The following ANGPT2 variants were observed in gnomAD, a reference collection of about 807,000 sequenced individuals.
ANGPT2 encodes the protein angiopoietin-2.
ANGPT2 carries 28 observed loss-of-function variants against 62.9 expected under a neutral mutation model. That is an observed-to-expected ratio of 0.44 (90% confidence interval 0.33 to 0.61). The LOEUF (loss-of-function observed/expected upper bound fraction) is 0.61, where lower values mean the gene tolerates loss of function less well. ANGPT2 is among the 20% of genes least tolerant of loss of function. The pLI, the probability that ANGPT2 is intolerant of heterozygous loss-of-function variation, is 0.03. For missense variants in ANGPT2, 727 were observed against 594.9 expected, an observed-to-expected ratio of 1.22 and a Z score of -2.31; for synonymous variants, 284 against 207.8, an observed-to-expected ratio of 1.37 and a Z score of -3.15.
At chr8:6,532,273 C>A in intron 2 of ANGPT2, 59 bp downstream of exon 2, 1 of 1,598,892 alleles carries the variant, frequency 6.3e-7, no homozygotes, top group Non-Finnish European at 8.5e-7. Context: ...GCTCCTGACG[C>A]GACTGAGTGC....
Position 6,545,630 on chromosome 8 carries a change from G to A in ANGPT2, c.289-13143C>T, listed in dbSNP as rs915915485. Among the ~76,000 whole-genome samples, 10 of 152,292 alleles carry A rather than the reference G, an allele frequency of 6.6e-5. No individual in the cohort carries two copies. The East Asian group carries it at 1.2e-3, about 18-fold the overall frequency. ...CAAAACACGATTCTTTCCGGATCAA[G>A]CATAAAAGGCATTTGCTCTTGGAAG... On this transcript the variant is annotated intron_variant, in intron 1 of 8. Transcript: ENST00000629816.
At chr8:6,530,692 T>C (rs734702) in intron 2 of ANGPT2, among the ~76,000 whole-genome samples, 102,283 of 151,810 alleles carry the variant, frequency 0.67, 34,834 homozygotes, top group Non-Finnish European at 0.72. Flanking sequence ...TATGTTTTTC[T>C]TGAACTGTTG....
chr8:6,551,103 C>T (rs561528086), intron 1 of ANGPT2, among the ~76,000 whole-genome samples: 2 of 152,302 alleles, frequency 1.3e-5, no homozygotes, highest in African/African-American at 2.4e-5. Flanking sequence ...TTACCTTCCA[C>T]GGCTCCTGGG....
intron 7 of ANGPT2, among the ~76,000 whole-genome samples, chr8:6,511,151 T>G (rs1815003177): frequency 6.6e-6 from 1 of 152,212 alleles, no homozygotes; most frequent in Non-Finnish European, 1.5e-5. Flanking sequence ...GAGAATACTA[T>G]TTTTTATGAG....
intron 1 of ANGPT2, 106 bp from the exon 2 acceptor site, chr8:6,532,593 T>A (rs1376110800): frequency 1.2e-5 from 8 of 695,142 alleles, no homozygotes; most frequent in African/African-American, 2.2e-5. Context: ...AAAAAAAAAA[T>A]CTATCAAAAG....
intron 1 of ANGPT2, among the ~76,000 whole-genome samples, chr8:6,554,827 A>G (rs140830181): frequency 1.3e-5 from 2 of 152,326 alleles, no homozygotes; most frequent in African/African-American, 4.8e-5. Context: ...AGCTGGTTGC[A>G]GGAGGGGCTC....
At chr8:6,528,716 A>G (rs943781007) in intron 2 of ANGPT2, among the ~76,000 whole-genome samples, 1 of 152,248 alleles carries the variant, frequency 6.6e-6, no homozygotes, top group Non-Finnish European at 1.5e-5. Context: ...CTTATTCAGG[A>G]TGTGATATCA....
chr8:6,518,672 T>C (rs912831826), intron 5 of ANGPT2, among the ~76,000 whole-genome samples: 1 of 152,206 alleles, frequency 6.6e-6, no homozygotes, highest in African/African-American at 2.4e-5. Context: ...AAAGAGATAA[T>C]ACTTCCAAGA....
intron 1 of ANGPT2, among the ~76,000 whole-genome samples, chr8:6,534,576 T>C (rs558961630): frequency 1.3e-3 from 200 of 152,310 alleles, no homozygotes; most frequent in African/African-American, 4.6e-3. Context: ...GCTGAAGCCT[T>C]AGTTTTCCAT....
intron 1 of ANGPT2, among the ~76,000 whole-genome samples, chr8:6,556,137 C>A (rs539858971): frequency 6.6e-6 from 1 of 152,204 alleles, no homozygotes; most frequent in African/African-American, 2.4e-5. Flanking sequence ...CTTAACTTCT[C>A]AGGCTCACTT....
rs1563305159 is a variant in ANGPT2, at chr8:6,505,251, T to A, written c.1328-1990A>T. ...TATGTATATATAGAATATATATTCTTTATATATGTTTTATATATATGTATA... is the reference window on the plus strand; with the variant it reads ...TATGTATATATAGAATATATATTCTATATATATGTTTTATATATATGTATA... On this transcript the variant is annotated intron_variant, in intron 8 of 8. Transcript: ENST00000629816. 1.8e-3 allele frequency among the ~76,000 whole-genome samples: 146 copies of A among 82,118 alleles called. 23 individuals are homozygous for A. The highest frequency in any genetic ancestry group is 6.5e-3 in the African/African-American group (130 of 19,944). 53.9% of individuals were successfully genotyped at this position (82,118 alleles called of 152,430 possible).
intron 1 of ANGPT2, among the ~76,000 whole-genome samples, chr8:6,558,598 T>C (rs1347621374): frequency 2.6e-5 from 4 of 152,168 alleles, no homozygotes; most frequent in Non-Finnish European, 4.4e-5. Flanking sequence ...AAGAGCCACA[T>C]TGATTAAAAT....
At position 6,501,709 on chromosome 8, in the gene ANGPT2, G is replaced by C. The variant is rs2129562931; in HGVS notation, c.*1392C>G. ...TAGCTGGGATTACAGGTGCCCGCCA[G>C]CACGCCTGGCTAATTTTTGTATTAT... On this transcript the variant is annotated 3_prime_UTR_variant, in exon 9 of 9. Coordinates refer to ENST00000629816, the MANE Select transcript of ANGPT2 (RefSeq NM_001118887.2). 6.6e-6 allele frequency: 1 copy of C among 151,830 alleles called. No individual in the cohort carries two copies. The highest frequency in any genetic ancestry group is 1.5e-5 in the Non-Finnish European group (1 of 67,954). 9.4% of individuals were successfully genotyped at this position (151,830 alleles called of 1,614,324 possible).
chr8:6,545,156 C>G (rs1306484410), intron 1 of ANGPT2, among the ~76,000 whole-genome samples: 2 of 152,006 alleles, frequency 1.3e-5, no homozygotes, highest in Non-Finnish European at 1.5e-5. Flanking sequence ...TGATAGAAGT[C>G]AGAATAATGT....
intron 1 of ANGPT2, among the ~76,000 whole-genome samples, chr8:6,543,714 C>G (rs1353097456): frequency 6.6e-6 from 1 of 151,986 alleles, no homozygotes; most frequent in South Asian, 2.1e-4. Flanking sequence ...GATAATCTAC[C>G]CCTTGTATTG....
intron 3 of ANGPT2, among the ~76,000 whole-genome samples, chr8:6,526,324 C>A (rs761322170): frequency 6.9e-6 from 1 of 145,426 alleles, no homozygotes; most frequent in Admixed American, 6.9e-5. Flanking sequence ...GTCCCAGCTA[C>A]TCAGGAGGCT....
At chr8:6,534,877 AT>A (rs1820215939) in intron 1 of ANGPT2, among the ~76,000 whole-genome samples, 1 of 152,196 alleles carries the variant, frequency 6.6e-6, no homozygotes, top group South Asian at 2.1e-4. Context: ...GAAGCCATAA[AT>A]AGCAGTTCGT....
chr8:6,556,518 T>C (rs1824633428), intron 1 of ANGPT2, among the ~76,000 whole-genome samples: 1 of 3,000 alleles, frequency 3.3e-4, no homozygotes, highest in Non-Finnish European at 1.5e-3. Context: ...TTCATTCATT[T>C]ACCCCTTCTG....
chr8:6,526,482 CT>C (rs1818372121), intron 3 of ANGPT2, among the ~76,000 whole-genome samples: 1 of 151,684 alleles, frequency 6.6e-6, no homozygotes, highest in Non-Finnish European at 1.5e-5. Context: ...ATTGTTATAT[CT>C]CAATGATTGG....
Sources: allele counts gnomAD v4.1 joint callset (sites outside exome capture counted in the v4.1 genomes callset), GRCh38; gene constraint gnomAD v4.1.1; transcripts MANE v1.5; gene names NCBI Gene and HGNC (gene_info 2026-07-23, HGNC 2026-07-21).